PARD3B: variants seen among roughly 807,000 people sequenced by gnomAD.
PARD3B encodes par-3 family cell polarity regulator beta.
Under a neutral mutation model 130.2 loss-of-function variants are expected in PARD3B, and 103 were observed. The ratio of observed to expected loss-of-function variants is 0.79; its 90% confidence interval spans 0.67 to 0.93. The LOEUF is 0.93. PARD3B is among the 40% of genes least tolerant of loss of function. The pLI is 0.00. For missense variants in PARD3B, 1,609 were observed against 1,499.2 expected (o/e 1.07, Z -1.21); for synonymous variants, 583 against 553.2 (o/e 1.05, Z -0.76).
chr2:204,695,910 G>A (rs2037587664), intron 2 of PARD3B, among the ~76,000 whole-genome samples: 1 of 151,954 alleles, frequency 6.6e-6, no homozygotes, highest in Non-Finnish European at 1.5e-5. Context: ...AACAAAAATT[G>A]CATTTTTCTT....
At chr2:205,119,471 C>G (rs2030377303) in intron 7 of PARD3B, among the ~76,000 whole-genome samples, 1 of 151,964 alleles carries the variant, frequency 6.6e-6, no homozygotes, top group Non-Finnish European at 1.5e-5. Flanking sequence ...ATCATAGAAA[C>G]AAACAGAAAA....
At chr2:204,985,235 T>C (rs1437541958) in intron 3 of PARD3B, among the ~76,000 whole-genome samples, 1 of 152,026 alleles carries the variant, frequency 6.6e-6, no homozygotes, top group African/African-American at 2.4e-5. Context: ...CTCTCTACTT[T>C]CCTTCCTTGA....
At position 204,887,505 on chromosome 2, in the gene PARD3B, T is replaced by G. The variant is rs888096269; in HGVS notation, c.223-77647T>G. Among the ~76,000 whole-genome samples the G allele has an allele frequency of 1.3e-5, 2 of 152,102 alleles. No individual in the cohort carries two copies. The highest frequency in any genetic ancestry group is 2.9e-5 in the Non-Finnish European group (2 of 68,036). On this transcript the variant is annotated intron_variant, in intron 2 of 22. Transcript: ENST00000406610. This position sits in a 1 kb window ranked among gnomAD's most constrained non-coding sequence, Gnocchi z 4.2. ...GTAGCAAGTTTTAAAAGCAAAACAC[T>G]CAAATTATACCACGTTGAAAACATG...
At chr2:205,495,784 C>G (rs1010858316) in intron 20 of PARD3B, among the ~76,000 whole-genome samples, 1 of 152,136 alleles carries the variant, frequency 6.6e-6, no homozygotes, top group Non-Finnish European at 1.5e-5. Flanking sequence ...GAAGAGCAGT[C>G]TTTGAAATGA....
chr2:205,386,971 TCA>T (rs1174036141), intron 18 of PARD3B, among the ~76,000 whole-genome samples: 3 of 152,198 alleles, frequency 2.0e-5, no homozygotes, highest in Non-Finnish European at 4.4e-5. Flanking sequence ...GGAATATTTT[TCA>T]CAGAGGTAGA....
At chr2:204,733,571 A>G (rs2039617512) in intron 2 of PARD3B, among the ~76,000 whole-genome samples, 1 of 151,782 alleles carries the variant, frequency 6.6e-6, no homozygotes, top group African/African-American at 2.4e-5. Context: ...TAAAGAACCT[A>G]GAATAGTAAA....
intron 2 of PARD3B, among the ~76,000 whole-genome samples, chr2:204,822,605 G>C (rs1053998747): frequency 1.3e-5 from 2 of 152,014 alleles, no homozygotes; most frequent in African/African-American, 4.8e-5. Context: ...TTAGGTACCT[G>C]TGCAGCACAG....
At chr2:205,464,971 G>A (rs1414356774) in intron 20 of PARD3B, among the ~76,000 whole-genome samples, 3 of 152,154 alleles carry the variant, frequency 2.0e-5, no homozygotes, top group African/African-American at 7.2e-5. Context: ...AGTGTGCCTG[G>A]TAATGGTGAG....
chr2:205,206,134 A>G (rs1416553549), intron 15 of PARD3B, among the ~76,000 whole-genome samples: 2 of 149,842 alleles, frequency 1.3e-5, no homozygotes, highest in African/African-American at 2.4e-5. Flanking sequence ...AAAGACAGAT[A>G]TGAACTTTTT....
intron 4 of PARD3B, among the ~76,000 whole-genome samples, chr2:205,060,442 A>G (rs1210448111): frequency 6.6e-6 from 1 of 152,182 alleles, no homozygotes; most frequent in African/African-American, 2.4e-5. Context: ...AAAGCAGCAG[A>G]GTTTTAGAAC....
chr2:204,845,354 T>G (rs940544753), intron 2 of PARD3B, among the ~76,000 whole-genome samples: 1 of 152,172 alleles, frequency 6.6e-6, no homozygotes, highest in Non-Finnish European at 1.5e-5. Context: ...AAACCTTAAC[T>G]TTTTATAGGT....
chr2:204,569,401 G>T (rs1574477114), intron 1 of PARD3B, among the ~76,000 whole-genome samples: 1 of 152,124 alleles, frequency 6.6e-6, no homozygotes, highest in East Asian at 1.9e-4. Flanking sequence ...GTTTAATACT[G>T]TATGTAAATG....
chr2:204,699,065 G>C (rs1409055624), intron 2 of PARD3B, among the ~76,000 whole-genome samples: 1 of 152,068 alleles, frequency 6.6e-6, no homozygotes, highest in Non-Finnish European at 1.5e-5. Context: ...TAGCTGTGAA[G>C]AAGTTTTGCA....
rs2038776596 is a variant in PARD3B, at chr2:205,230,438, A to C, written c.2141-15340A>C. 6.6e-6 allele frequency among the ~76,000 whole-genome samples: 1 copy of C among 152,102 alleles called. No individual in the cohort carries two copies. Among genetic ancestry groups the C allele is most frequent in the Non-Finnish European group, 1.5e-5 (1 of 68,030 alleles). ...GTCTGGAAATGTCATCCAGGAGCTAAAGCCTAGAATGGGGGCCCCAGGACT... is the reference window on the plus strand; with the variant it reads ...GTCTGGAAATGTCATCCAGGAGCTACAGCCTAGAATGGGGGCCCCAGGACT... On this transcript the variant is annotated intron_variant, in intron 15 of 22. Transcript: ENST00000406610. The surrounding 1 kb of genome is among the most constrained non-coding windows in gnomAD (Gnocchi z 4.1).
At chr2:204,910,874 C>T (rs1176197758) in intron 2 of PARD3B, among the ~76,000 whole-genome samples, 1 of 152,090 alleles carries the variant, frequency 6.6e-6, no homozygotes, top group East Asian at 1.9e-4. Context: ...GATCTCCTGA[C>T]CCTGTGATCC....
intron 20 of PARD3B, among the ~76,000 whole-genome samples, chr2:205,456,347 C>T (rs2048276856): frequency 6.6e-6 from 1 of 152,014 alleles, no homozygotes; most frequent in Non-Finnish European, 1.5e-5. Context: ...TTTGTGTGAA[C>T]ATATGTTGTA....
chr2:205,157,492 A>G (rs879263213), intron 10 of PARD3B, among the ~76,000 whole-genome samples: 4 of 152,120 alleles, frequency 2.6e-5, no homozygotes, highest in African/African-American at 9.7e-5. Flanking sequence ...GATTTTCTCT[A>G]TTTGGGGAGG....
At chr2:204,852,193 A>G (rs1447748404) in intron 2 of PARD3B, among the ~76,000 whole-genome samples, 5 of 151,060 alleles carry the variant, frequency 3.3e-5, no homozygotes, top group African/African-American at 7.3e-5. Context: ...TTCTTGGCAA[A>G]CTCTGCTTTC....
At chr2:204,779,803 A>G (rs2041774689) in intron 2 of PARD3B, among the ~76,000 whole-genome samples, 1 of 152,206 alleles carries the variant, frequency 6.6e-6, no homozygotes, top group Admixed American at 6.5e-5. Flanking sequence ...TAGAAATCAT[A>G]AAGTGTTTTT....
Sources: gnomAD v4.1 joint callset for allele counts (sites outside exome capture counted in the v4.1 genomes callset) on GRCh38, gnomAD v4.1.1 for gene constraint, Gnocchi (gnomAD v3.1) non-coding constraint, MANE v1.5 for transcripts, NCBI Gene and HGNC (gene_info 2026-07-23, HGNC 2026-07-21) for gene names.